The following LCLAT1 variants were observed in gnomAD, a reference collection of about 807,000 sequenced individuals.
LCLAT1 encodes the protein 1-AGP acyltransferase 8.
In LCLAT1, 11 loss-of-function variants were observed where a neutral mutation model predicts 30.7. The ratio of observed to expected loss-of-function variants is 0.36; its 90% CI spans 0.23 to 0.59. The LOEUF is 0.59. Ranked by LOEUF, LCLAT1 falls within the 20% of genes least tolerant of loss-of-function variation. The pLI, the probability that LCLAT1 is intolerant of heterozygous loss-of-function variation, is 0.77. For missense variants in LCLAT1, 402 were observed against 458.6 expected (o/e 0.88, Z 1.13); for synonymous variants, 155 against 151.3 (o/e 1.02, Z -0.18).
intron 5 of LCLAT1, among the ~76,000 whole-genome samples, chr2:30,614,205 T>A (rs1361594203): frequency 1.1e-5 from 1 of 92,510 alleles, no homozygotes; most frequent in African/African-American, 4.5e-5. Context: ...TTAAGGAGCA[T>A]GCTGCCTTCA....
At chr2:30,557,669 C>T (rs1664991691) in intron 3 of LCLAT1, among the ~76,000 whole-genome samples, 1 of 152,122 alleles carries the variant, frequency 6.6e-6, no homozygotes, top group African/African-American at 2.4e-5. Context: ...CCTGCCTCGG[C>T]CTCCCAAAGT....
intron 5 of LCLAT1, among the ~76,000 whole-genome samples, chr2:30,598,976 T>C (rs1412573403): frequency 6.9e-6 from 1 of 145,742 alleles, no homozygotes; most frequent in Non-Finnish European, 1.5e-5. Context: ...GTTTCTTTTT[T>C]TTTTTCTTTT....
At chr2:30,498,346 G>T (rs1349447278) in intron 1 of LCLAT1, among the ~76,000 whole-genome samples, 1 of 152,196 alleles carries the variant, frequency 6.6e-6, no homozygotes, top group African/African-American at 2.4e-5. Context: ...CCAATCAGGG[G>T]CTGAAGTGAT....
At chr2:30,505,328 C>CT (rs3061277) in intron 1 of LCLAT1, among the ~76,000 whole-genome samples, 2,497 of 138,250 alleles carry the variant, frequency 0.018, 55 homozygotes, top group African/African-American at 0.058. Context: ...AGGGGCAAAA[C>CT]TTTTTTTTTT....
intron 1 of LCLAT1, among the ~76,000 whole-genome samples, chr2:30,454,000 G>T (rs759459157): frequency 6.6e-6 from 1 of 152,206 alleles, no homozygotes; most frequent in Non-Finnish European, 1.5e-5. Flanking sequence ...TTCAGAGTCT[G>T]TGCTCTTAAT....
chr2:30,517,576 T>A (rs1213908645), intron 1 of LCLAT1, among the ~76,000 whole-genome samples: 1 of 152,084 alleles, frequency 6.6e-6, no homozygotes, highest in Non-Finnish European at 1.5e-5. Context: ...TACAACAACA[T>A]AATAGATCAG....
rs116775261 is a variant in LCLAT1, at chr2:30,580,239, A to G, written c.628+12063A>G. Among the ~76,000 whole-genome samples, 638 of 152,322 alleles carry G rather than the reference A, an allele frequency of 4.2e-3. 3 individuals carry two copies. The highest frequency in any genetic ancestry group is 7.0e-3 in the Non-Finnish European group (477 of 68,030). On this transcript the variant is annotated intron_variant, in intron 5 of 5. Transcript: ENST00000379509. Reference sequence around the variant, plus strand: ...TATGGTTGTAAATGGTCGTAATTTTATACTTGCAAATATCAATTTGATCTG... The same window carrying G: ...TATGGTTGTAAATGGTCGTAATTTTGTACTTGCAAATATCAATTTGATCTG...
At chr2:30,568,610 C>T (rs1456670269) in intron 5 of LCLAT1, among the ~76,000 whole-genome samples, 1 of 149,878 alleles carries the variant, frequency 6.7e-6, no homozygotes, top group Non-Finnish European at 1.5e-5. Context: ...CAGGTTCCCG[C>T]CATTCCCCTG....
intron 1 of LCLAT1, among the ~76,000 whole-genome samples, chr2:30,496,101 AG>A (rs1157726025): frequency 6.6e-6 from 1 of 152,104 alleles, no homozygotes; most frequent in Non-Finnish European, 1.5e-5. Context: ...CTAGAGCAGG[AG>A]GAAGAGAAAG....
At chr2:30,480,010 A>G (rs1683245889) in intron 1 of LCLAT1, among the ~76,000 whole-genome samples, 1 of 152,212 alleles carries the variant, frequency 6.6e-6, no homozygotes, top group South Asian at 2.1e-4. Context: ...TCATCCTTTT[A>G]TACTGTATCT....
intron 1 of LCLAT1, among the ~76,000 whole-genome samples, chr2:30,514,041 G>A (rs895936739): frequency 2.0e-5 from 3 of 152,242 alleles, no homozygotes; most frequent in South Asian, 2.1e-4. Context: ...CTCAAATTTT[G>A]GGGGCTCACA....
intron 1 of LCLAT1, among the ~76,000 whole-genome samples, chr2:30,514,756 G>A (rs991312845): frequency 6.6e-6 from 1 of 152,164 alleles, no homozygotes; most frequent in Non-Finnish European, 1.5e-5. Flanking sequence ...GCGTCTGTCA[G>A]TCCTGGGATT....
At chr2:30,488,258 A>G (rs981516898) in intron 1 of LCLAT1, among the ~76,000 whole-genome samples, 1 of 152,250 alleles carries the variant, frequency 6.6e-6, no homozygotes, top group African/African-American at 2.4e-5. Context: ...GTAAATTTGT[A>G]TCAGATTACT....
At chr2:30,471,254 G>C (rs1478983018) in intron 1 of LCLAT1, among the ~76,000 whole-genome samples, 1 of 151,418 alleles carries the variant, frequency 6.6e-6, no homozygotes, top group Non-Finnish European at 1.5e-5. Flanking sequence ...ATGTTGCCCA[G>C]GCTGGAGTGC....
Position 30,641,584 on chromosome 2 carries a change from T to G in LCLAT1, c.*965T>G, listed in dbSNP as rs747620740. The stretch of plus-strand genomic sequence containing the variant: ...TAACATCTACCATTAAAACAACAAA[T>G]GGCTTGCAGACAGGGCAGTAATGGT... On this transcript the variant is annotated 3_prime_UTR_variant, in exon 6 of 6. Transcript: ENST00000379509. 1 of 152,218 alleles carries G rather than the reference T, an allele frequency of 6.6e-6. No homozygotes were observed. Among genetic ancestry groups the G allele is most frequent in the East Asian group, 1.9e-4 (1 of 5,198 alleles). The allele number at this position is 152,218 out of a possible 1,614,324, so 9.4% of individuals were successfully genotyped here. A position where few individuals can be genotyped will look rare whatever the true frequency, so the allele number is the denominator to read the frequency against.
intron 1 of LCLAT1, among the ~76,000 whole-genome samples, chr2:30,503,765 T>C (rs1684512001): frequency 6.6e-6 from 1 of 152,248 alleles, no homozygotes; most frequent in South Asian, 2.1e-4. Flanking sequence ...AAAAACTTCC[T>C]TGTGACTAAA....
chr2:30,520,936 T>A (rs1312765567), intron 1 of LCLAT1, among the ~76,000 whole-genome samples: 1 of 152,162 alleles, frequency 6.6e-6, no homozygotes, highest in African/African-American at 2.4e-5. Context: ...AGGAGCTGGG[T>A]AAAATGAGGC....
chr2:30,512,238 AAATT>A (rs1389676211), intron 1 of LCLAT1, among the ~76,000 whole-genome samples: 1 of 152,190 alleles, frequency 6.6e-6, no homozygotes, highest in Non-Finnish European at 1.5e-5. Flanking sequence ...CAAAATTAAT[AAATT>A]TATGTAAGCA....
At chr2:30,545,997 A>G (rs140252314) in intron 3 of LCLAT1, among the ~76,000 whole-genome samples, 6 of 152,196 alleles carry the variant, frequency 3.9e-5, no homozygotes, top group Non-Finnish European at 4.4e-5. Context: ...ATGATTTCAT[A>G]TTAAATTGTT....
Sources: gnomAD v4.1 joint callset for allele counts (sites outside exome capture counted in the v4.1 genomes callset) on GRCh38, gnomAD v4.1.1 for gene constraint, MANE v1.5 for transcripts, NCBI Gene and HGNC (gene_info 2026-07-23, HGNC 2026-07-21) for gene names.